ZNF362: variants seen among roughly 807,000 people sequenced by gnomAD.
ZNF362 encodes rotund homolog.
ZNF362 carries 11 observed loss-of-function variants against 42.9 expected under a neutral mutation model. That is an observed-to-expected ratio of 0.26 (90% CI 0.16 to 0.42). The LOEUF is 0.42. ZNF362 is among the 20% of genes least tolerant of loss of function. The pLI is 1.00. For synonymous variants in ZNF362, 255 were observed against 257.3 expected (o/e 0.99, Z 0.09); for missense variants, 362 against 576.2 (o/e 0.63, Z 3.81).
chr1:33,144,408 G>T, the ZNF362 span, among the ~76,000 whole-genome samples: 1 of 152,222 alleles, frequency 6.6e-6, no homozygotes. Context: ...AAAGTGTTGG[G>T]ATTACAGGCA....
Position 33,281,647 on chromosome 1 carries a change from G to C in ZNF362, c.744G>C (p.Ser248=). 2 of 1,614,222 alleles carry C rather than the reference G, an allele frequency of 1.2e-6. No homozygotes were observed. The highest frequency in any genetic ancestry group is 1.7e-6 in the Non-Finnish European group (2 of 1,180,040). The change falls in exon 6 of 9, where the codon TCG becomes TCC. Residue 248 remains serine (S), a synonymous_variant. Coordinates refer to ENST00000539719, the MANE Select transcript of ZNF362 (RefSeq NM_152493.3). This position sits in a 1 kb window ranked among gnomAD's most constrained non-coding sequence, Gnocchi z 4.8. The part of the protein sequence containing the change: ...TKSEMQIHSK[S]HTEAKPHKCP... ...CAGAGATGCAGATCCACTCCAAGTCGCACACAGAGGCCAAGCCCCACAAGT... is the reference window on the plus strand; with the variant it reads ...CAGAGATGCAGATCCACTCCAAGTCCCACACAGAGGCCAAGCCCCACAAGT...
the ZNF362 span, among the ~76,000 whole-genome samples, chr1:33,174,918 T>C: frequency 1.5e-3 from 202 of 137,376 alleles, no homozygotes; most frequent in African/African-American, 4.3e-3. Context: ...TATATATATA[T>C]ACACACACAC....
the ZNF362 span, among the ~76,000 whole-genome samples, chr1:33,220,100 G>A: frequency 6.6e-6 from 1 of 152,142 alleles, no homozygotes; most frequent in Non-Finnish European, 1.5e-5. Context: ...TGGAGCAGAA[G>A]GTGAGTGCTG....
chr1:33,279,845 A>G (rs1282297337), intron 4 of ZNF362, among the ~76,000 whole-genome samples: 1 of 152,180 alleles, frequency 6.6e-6, no homozygotes, highest in Admixed American at 6.5e-5. Flanking sequence ...TTGCCTCTAA[A>G]ATTTTGCTGT....
upstream of ZNF362, among the ~76,000 whole-genome samples, chr1:33,251,845 C>T (rs994376434): frequency 2.0e-5 from 3 of 152,226 alleles, no homozygotes; most frequent in Non-Finnish European, 4.4e-5. Context: ...TAAAGCATTA[C>T]TTCAGTAATT....
chr1:33,255,806 C>A (rs1645783928), upstream of ZNF362, among the ~76,000 whole-genome samples: 1 of 151,950 alleles, frequency 6.6e-6, no homozygotes. Context: ...TTGAGCAGGT[C>A]GTTATCAGGG....
rs1645933412 is a variant in ZNF362, at chr1:33,275,055, T to C, written c.39-1045T>C. ...AGAGGTTGAAAGCACTTCATTTTGGTCTTTCCTGTCAAAATAAACAATTTC... is the reference window on the plus strand; with the variant it reads ...AGAGGTTGAAAGCACTTCATTTTGGCCTTTCCTGTCAAAATAAACAATTTC... On this transcript the variant is annotated intron_variant, in intron 2 of 8. Coordinates refer to ENST00000539719, the MANE Select transcript of ZNF362 (RefSeq NM_152493.3). The C allele has an allele frequency of 4.1e-6, 4 of 985,406 alleles. No individual in the cohort carries two copies. In the South Asian group the frequency reaches 1.9e-4, roughly 46 times the overall value. The allele number at this position is 985,406 out of a possible 1,614,324, so 61.0% of individuals were successfully genotyped here.
the ZNF362 span, chr1:33,181,710 G>A: frequency 1.4e-5 from 7 of 489,726 alleles, 1 homozygote; most frequent in South Asian, 1.7e-4. This position sits in a 1 kb window ranked among gnomAD's most constrained non-coding sequence, Gnocchi z 6.5. Flanking sequence ...GTGAGCGGCT[G>A]AGGGACGGAG....
the ZNF362 span, among the ~76,000 whole-genome samples, chr1:33,205,907 C>T: frequency 6.6e-6 from 1 of 151,614 alleles, no homozygotes; most frequent in Non-Finnish European, 1.5e-5. Context: ...CAGAGCAAGA[C>T]TCTGTCTCAA....
the ZNF362 span, among the ~76,000 whole-genome samples, chr1:33,185,670 C>T: frequency 1.3e-5 from 2 of 152,242 alleles, no homozygotes; most frequent in Admixed American, 6.5e-5. Context: ...GCTCTCTCCA[C>T]ATCTGATGTG....
At chr1:33,218,021 T>C in the ZNF362 span, among the ~76,000 whole-genome samples, 1 of 152,210 alleles carries the variant, frequency 6.6e-6, no homozygotes, top group Non-Finnish European at 1.5e-5. Context: ...ACGTCTTTAT[T>C]TTTAGTGGCT....
the ZNF362 span, chr1:33,159,869 T>C: frequency 2.5e-6 from 4 of 1,612,824 alleles, no homozygotes; most frequent in East Asian, 8.9e-5. This position sits in a 1 kb window ranked among gnomAD's most constrained non-coding sequence, Gnocchi z 4.2. Context: ...AGCATGGCCT[T>C]CTGGCGTTCA....
At chr1:33,295,807 C>A (rs538554747) in intron 8 of ZNF362, among the ~76,000 whole-genome samples, 5 of 152,138 alleles carry the variant, frequency 3.3e-5, no homozygotes, top group Non-Finnish European at 7.4e-5. Context: ...ATACCATTCA[C>A]CCCCAGGCGA....
At position 33,294,617 on chromosome 1, in the gene ZNF362, T is replaced by C. The variant is rs1646103992; in HGVS notation, c.909-320T>C. On this transcript the variant is annotated intron_variant, in intron 6 of 8. Coordinates refer to ENST00000539719, the MANE Select transcript of ZNF362 (RefSeq NM_152493.3). This position sits in a 1 kb window ranked among gnomAD's most constrained non-coding sequence, Gnocchi z 4.2. Reference sequence around the variant, plus strand: ...AATATGTGGTCCGTAGTGTGGGGTTTTCAAAGAGAGGGGCAGCCAAATCAG... The same window carrying C: ...AATATGTGGTCCGTAGTGTGGGGTTCTCAAAGAGAGGGGCAGCCAAATCAG... Among the ~76,000 whole-genome samples the C allele has an allele frequency of 6.6e-6, 1 of 152,080 alleles. No homozygotes were observed. Among genetic ancestry groups the C allele is most frequent in the African/African-American group, 2.4e-5 (1 of 41,400 alleles).
At chr1:33,218,914 C>A in the ZNF362 span, among the ~76,000 whole-genome samples, 1 of 143,854 alleles carries the variant, frequency 7.0e-6, no homozygotes, top group Non-Finnish European at 1.5e-5. Flanking sequence ...ACGCACAGGT[C>A]TGCCCAGGAG....
At chr1:33,232,596 C>T in the ZNF362 span, among the ~76,000 whole-genome samples, 1 of 152,128 alleles carries the variant, frequency 6.6e-6, no homozygotes, top group South Asian at 2.1e-4. Flanking sequence ...GTCATGTCTG[C>T]GGATGGTGGC....
chr1:33,141,836 TA>T, the ZNF362 span: 101 of 166,056 alleles, frequency 6.1e-4, no homozygotes, highest in East Asian at 1.3e-3. Context: ...TCCTGGAACT[TA>T]AAAAAAAATA....
intron 6 of ZNF362, among the ~76,000 whole-genome samples, chr1:33,292,311 A>C (rs1646084347): frequency 6.6e-6 from 1 of 152,236 alleles, no homozygotes; most frequent in African/African-American, 2.4e-5. Context: ...CCTTTTCTGC[A>C]TCTATTGAGA....
chr1:33,196,578 C>G, the ZNF362 span, among the ~76,000 whole-genome samples: 1 of 152,268 alleles, frequency 6.6e-6, no homozygotes, highest in South Asian at 2.1e-4. Context: ...TCTGGAATAC[C>G]TCCTGAAGGA....
Sources: allele counts gnomAD v4.1 joint callset (sites outside exome capture counted in the v4.1 genomes callset), GRCh38; gene constraint gnomAD v4.1.1; non-coding constraint Gnocchi (gnomAD v3.1); transcripts MANE v1.5; gene names NCBI Gene and HGNC (gene_info 2026-07-23, HGNC 2026-07-21).